ARHGEF37: variants seen among roughly 807,000 people sequenced by gnomAD.
The protein encoded by ARHGEF37 is Rho guanine nucleotide exchange factor (GEF) 37.
ARHGEF37 carries 55 observed loss-of-function variants against 71.1 expected under a neutral mutation model. The observed-to-expected ratio is 0.77, with a 90% CI of 0.62 to 0.97. The LOEUF (loss-of-function observed/expected upper bound fraction) is 0.97. Among genes scored for constraint, ARHGEF37 ranks in the 50% least tolerant of loss-of-function variants. The pLI, the probability that ARHGEF37 is intolerant of heterozygous loss-of-function variation, is 0.00. For missense variants in ARHGEF37, 765 were observed against 836.8 expected (o/e 0.91, Z 1.06); for synonymous variants, 327 against 350.6 (o/e 0.93, Z 0.75).
intron 12 of ARHGEF37, 83 bp from the exon 13 acceptor site, chr5:149,631,899 G>A: frequency 1.4e-6 from 2 of 1,439,700 alleles, no homozygotes; most frequent in South Asian, 1.3e-5. Context: ...AGGTGGATGG[G>A]AACAGGATAA....
intron 4 of ARHGEF37, among the ~76,000 whole-genome samples, chr5:149,616,023 G>A (rs1471903777): frequency 2.0e-5 from 3 of 152,266 alleles, no homozygotes; most frequent in Non-Finnish European, 4.4e-5. Flanking sequence ...GAGATGTCAA[G>A]GATCTAGTTG....
chr5:149,619,729 G>A (rs1032156282), intron 7 of ARHGEF37, among the ~76,000 whole-genome samples: 3 of 152,162 alleles, frequency 2.0e-5, no homozygotes, highest in Non-Finnish European at 4.4e-5. Context: ...AATAGGAAAA[G>A]TTAGAGAAAA....
rs1752385655 is a variant in ARHGEF37 at position 149,616,558 on chromosome 5, C to T, written c.459-9C>T. ...GATTTACCTGCCTAATACCAGCCTTCTCCCTCAGGCCGCAAGCTGGATCTT... is the reference window on the plus strand; with the variant it reads ...GATTTACCTGCCTAATACCAGCCTTTTCCCTCAGGCCGCAAGCTGGATCTT... On this transcript the variant is annotated splice_polypyrimidine_tract_variant and intron_variant, in intron 4 of 12. Coordinates refer to ENST00000333677, the MANE Select transcript of ARHGEF37 (RefSeq NM_001001669.3). 6.3e-7 allele frequency: 1 copy of T among 1,599,518 alleles called. No homozygotes were observed. The highest frequency in any genetic ancestry group is 8.5e-7 in the Non-Finnish European group (1 of 1,171,444).
At chr5:149,560,266 C>T (rs936080173) in intron 1 of ARHGEF37, among the ~76,000 whole-genome samples, 2 of 152,090 alleles carry the variant, frequency 1.3e-5, no homozygotes, top group Non-Finnish European at 2.9e-5. Context: ...TAAGCATGCG[C>T]CACCACGCCC....
At chr5:149,570,340 G>C (rs996131663) in intron 1 of ARHGEF37, among the ~76,000 whole-genome samples, 1 of 152,020 alleles carries the variant, frequency 6.6e-6, no homozygotes, top group Non-Finnish European at 1.5e-5. Context: ...TTGGGAGGCC[G>C]AGGTGGGTGG....
chr5:149,586,882 TCCAGATACACTGGACTACAG>T (rs1169726607), intron 1 of ARHGEF37, among the ~76,000 whole-genome samples: 1 of 152,148 alleles, frequency 6.6e-6, no homozygotes, highest in African/African-American at 2.4e-5. Flanking sequence ...ACCTTCCTGG[TCCAGATACACTGGACTACAG>T]CATTCCTTTG....
At chr5:149,598,092 T>G in intron 2 of ARHGEF37, 137 bp downstream of exon 2, 1 of 1,066,942 alleles carries the variant, frequency 9.4e-7, no homozygotes, top group Non-Finnish European at 1.3e-6. Flanking sequence ...CAGACCTGGA[T>G]GTAAGCCCCA....
chr5:149,612,462 T>C (rs1401908728), intron 4 of ARHGEF37, among the ~76,000 whole-genome samples: 1 of 152,184 alleles, frequency 6.6e-6, no homozygotes, highest in African/African-American at 2.4e-5. Flanking sequence ...CCATGGCGCC[T>C]GGCCTAAACC....
intron 10 of ARHGEF37, among the ~76,000 whole-genome samples, chr5:149,625,222 A>C (rs1444070413): frequency 6.6e-6 from 1 of 152,144 alleles, no homozygotes; most frequent in African/African-American, 2.4e-5. Flanking sequence ...CTTTTTAAAA[A>C]ATGTATTTTC....
chr5:149,597,999 A>G, intron 2 of ARHGEF37, 44 bp downstream of exon 2: 1 of 1,502,680 alleles, frequency 6.7e-7, no homozygotes, highest in Non-Finnish European at 8.8e-7. Flanking sequence ...ATAGGGGCAA[A>G]TGTGGGTCCC....
chr5:149,563,720 A>G (rs930617311), intron 1 of ARHGEF37, among the ~76,000 whole-genome samples: 3 of 152,220 alleles, frequency 2.0e-5, no homozygotes, highest in Non-Finnish European at 4.4e-5. Flanking sequence ...CAAAAATAAG[A>G]AAGTGTAACA....
At chr5:149,553,298 G>A (rs1762709528) in intron 1 of ARHGEF37, among the ~76,000 whole-genome samples, 1 of 151,952 alleles carries the variant, frequency 6.6e-6, no homozygotes, top group South Asian at 2.1e-4. Context: ...TACTAGGGAG[G>A]CTGAGGCAGG....
At chr5:149,590,612 C>T (rs1314815741) in intron 1 of ARHGEF37, among the ~76,000 whole-genome samples, 2 of 135,970 alleles carry the variant, frequency 1.5e-5, no homozygotes, top group Admixed American at 7.6e-5. Context: ...TTTTTTGAGG[C>T]AGAATTTCAC....
At chr5:149,628,633 C>A (rs893793776) in intron 11 of ARHGEF37, among the ~76,000 whole-genome samples, 176 bp from the exon 12 acceptor site, 1 of 152,162 alleles carries the variant, frequency 6.6e-6, no homozygotes, top group Non-Finnish European at 1.5e-5. Context: ...GGTGTGTGAG[C>A]AGAAGCCAGA....
At chr5:149,558,507 CT>C (rs1485450060) in intron 1 of ARHGEF37, among the ~76,000 whole-genome samples, 3 of 151,828 alleles carry the variant, frequency 2.0e-5, no homozygotes, top group African/African-American at 2.4e-5. Flanking sequence ...CTCAGTCCCC[CT>C]CTCACCAAAA....
Position 149,619,056 on chromosome 5 carries a change from AG to A in ARHGEF37, c.894+17del, listed in dbSNP as rs779858044. On this transcript the variant is annotated intron_variant, in intron 7 of 12. Coordinates refer to ENST00000333677, the MANE Select transcript of ARHGEF37 (RefSeq NM_001001669.3). Reference sequence around the variant, plus strand: ...GACAATCTGCAGGTGAGGACACTGCAGGGTTCATAAAGGGCGAGTCTGGGCT... The same window carrying A: ...GACAATCTGCAGGTGAGGACACTGCAGGTTCATAAAGGGCGAGTCTGGGCT... 1.9e-6 allele frequency: 3 copies of A among 1,610,080 alleles called. No individual in the cohort carries two copies. The highest frequency in any genetic ancestry group is 2.6e-6 in the Non-Finnish European group (3 of 1,176,224).
intron 1 of ARHGEF37, among the ~76,000 whole-genome samples, chr5:149,593,014 C>T (rs1763455413): frequency 6.6e-6 from 1 of 152,190 alleles, no homozygotes; most frequent in African/African-American, 2.4e-5. Flanking sequence ...AGGTGATCCA[C>T]CCACCTCAGC....
rs773629699 is a variant in ARHGEF37 at position 149,628,814 on chromosome 5, C to T, written c.1666C>T (p.Arg556Cys). 1.4e-5 allele frequency: 22 copies of T among 1,612,434 alleles called. No homozygotes were observed. Among genetic ancestry groups the T allele is most frequent in the South Asian group, 5.5e-5 (5 of 90,678 alleles). The change falls in exon 12 of 13, where the codon CGT becomes TGT. Residue 556 changes from arginine (R) to cysteine (C), a missense_variant. Physicochemically the swap from Arg to Cys is radical, Grantham distance 180 (BLOSUM62 -3). Transcript: ENST00000333677. ...ACCTTCTGCATGCTCCCTAGGACAT[C>T]GTGGGTATGTGCCGGCTGGGAAACT... ...GRWLVDTGGHRGYVPAGKLQL... is the reference protein window; with the variant it reads ...GRWLVDTGGHCGYVPAGKLQL...
At chr5:149,586,173 G>A (rs1580893188) in intron 1 of ARHGEF37, among the ~76,000 whole-genome samples, 1 of 152,198 alleles carries the variant, frequency 6.6e-6, no homozygotes, top group Non-Finnish European at 1.5e-5. Flanking sequence ...TCATGGGAAA[G>A]GAGTGGTTCT....
Sources: gnomAD v4.1 joint callset for allele counts (sites outside exome capture counted in the v4.1 genomes callset) on GRCh38, gnomAD v4.1.1 for gene constraint, MANE v1.5 for transcripts, NCBI Gene and HGNC (gene_info 2026-07-23, HGNC 2026-07-21) for gene names.